The following SERPINB12 variants were observed in gnomAD, a reference collection of about 807,000 sequenced individuals.
SERPINB12 encodes the protein serpin family B member 12.
In SERPINB12, 57 loss-of-function variants were observed where a neutral mutation model predicts 41.1. The ratio of observed to expected loss-of-function variants is 1.39; its 90% CI spans 1.12 to 1.73. The LOEUF is 1.73. SERPINB12 is among the 40% of genes most tolerant of loss of function. The probability of loss-of-function intolerance (pLI) is 0.00; values close to 1 mark genes in which losing one functional copy is unlikely to be tolerated. For synonymous variants in SERPINB12, 180 were observed against 181.3 expected (o/e 0.99, Z 0.06); for missense variants, 536 against 501.9 (o/e 1.07, Z -0.65).
the SERPINB12 span, among the ~76,000 whole-genome samples, chr18:63,529,051 G>A: frequency 1.3e-5 from 2 of 152,100 alleles, no homozygotes; most frequent in South Asian, 2.1e-4. Flanking sequence ...CATGTGAGGC[G>A]AGCTCACTCT....
chr18:63,541,210 A>C (rs1214902034), upstream of SERPINB12, among the ~76,000 whole-genome samples: 1 of 152,062 alleles, frequency 6.6e-6, no homozygotes, highest in Admixed American at 6.6e-5. Flanking sequence ...GTTGCATGCC[A>C]CTCGTTCCCT....
the SERPINB12 span, among the ~76,000 whole-genome samples, chr18:63,529,920 A>G: frequency 6.6e-6 from 1 of 151,978 alleles, no homozygotes; most frequent in Non-Finnish European, 1.5e-5. Context: ...CTTTTTCAGA[A>G]ACTCCTTCCC....
the SERPINB12 span, among the ~76,000 whole-genome samples, chr18:63,529,320 C>T: frequency 1.1e-4 from 17 of 152,238 alleles, no homozygotes; most frequent in Non-Finnish European, 2.2e-4. Flanking sequence ...GTTGGTCAGG[C>T]GGTTGCTGGA....
intron 5 of SERPINB12, among the ~76,000 whole-genome samples, chr18:63,563,650 A>G (rs113742437): frequency 0.023 from 3,526 of 152,170 alleles, 151 homozygotes; most frequent in African/African-American, 0.081. Flanking sequence ...TAATCCCAGC[A>G]CTTTGGGAGG....
intron 1 of SERPINB12, among the ~76,000 whole-genome samples, chr18:63,545,213 A>ATT (rs570308273): frequency 7.1e-6 from 1 of 141,574 alleles, no homozygotes. Context: ...ACATAGAACT[A>ATT]TTTTTTTTTT....
the SERPINB12 span, among the ~76,000 whole-genome samples, chr18:63,535,390 C>T: frequency 1.6e-4 from 25 of 152,126 alleles, no homozygotes; most frequent in South Asian, 2.1e-4. Flanking sequence ...GGTGATGCCC[C>T]GAGATAGCTC....
At chr18:63,552,102 G>T (rs956644450) in intron 1 of SERPINB12, among the ~76,000 whole-genome samples, 1 of 152,132 alleles carries the variant, frequency 6.6e-6, no homozygotes, top group Non-Finnish European at 1.5e-5. Context: ...GGAGGGGAAA[G>T]AAAATAATCA....
At chr18:63,529,521 C>T in the SERPINB12 span, among the ~76,000 whole-genome samples, 2 of 152,154 alleles carry the variant, frequency 1.3e-5, no homozygotes, top group Admixed American at 1.3e-4. Flanking sequence ...ACAACTTGCA[C>T]AGATAAAAGC....
intron 1 of SERPINB12, among the ~76,000 whole-genome samples, chr18:63,554,003 G>T (rs574887140): frequency 1.3e-5 from 2 of 152,242 alleles, no homozygotes; most frequent in African/African-American, 4.8e-5. Context: ...GGTGATCTAT[G>T]ATTACCCTGA....
intron 7 of SERPINB12, 68 bp downstream of exon 7, chr18:63,565,680 C>T (rs1233239654): frequency 1.2e-5 from 17 of 1,363,334 alleles, no homozygotes; most frequent in Non-Finnish European, 1.7e-5. Flanking sequence ...ACACTGTCTA[C>T]TATCTACCAT....
intron 1 of SERPINB12, among the ~76,000 whole-genome samples, chr18:63,554,568 A>G (rs1910614432): frequency 6.6e-6 from 1 of 152,226 alleles, no homozygotes; most frequent in South Asian, 2.1e-4. Context: ...GAAATACACA[A>G]TATCTATAGG....
chr18:63,534,764 T>G, the SERPINB12 span, among the ~76,000 whole-genome samples: 1 of 152,188 alleles, frequency 6.6e-6, no homozygotes, highest in Non-Finnish European at 1.5e-5. Context: ...GGTGACACTT[T>G]GCAATAACAC....
intron 3 of SERPINB12, 51 bp from the exon 4 acceptor site, chr18:63,559,527 G>C (rs1231872130): frequency 6.3e-7 from 1 of 1,594,096 alleles, no homozygotes; most frequent in South Asian, 1.1e-5. Context: ...GCGGTGTTTA[G>C]CTCTTCTGAT....
At chr18:63,539,812 T>G (rs1841905282), upstream of SERPINB12, among the ~76,000 whole-genome samples, 1 of 152,140 alleles carries the variant, frequency 6.6e-6, no homozygotes, top group South Asian at 2.1e-4. Flanking sequence ...TGTTGTTTCT[T>G]TTAGATTCCA....
At chr18:63,559,031 T>TTTCTTTCTTTCTTTC (rs1359107408) in intron 3 of SERPINB12, among the ~76,000 whole-genome samples, 1 of 70,682 alleles carries the variant, frequency 1.4e-5, no homozygotes, top group Non-Finnish European at 3.6e-5. Context: ...TCTTTCTTTC[T>TTTCTTTCTTTCTTTC]TTCTTTCTTT....
the SERPINB12 span, among the ~76,000 whole-genome samples, chr18:63,533,160 T>G: frequency 6.6e-6 from 1 of 152,146 alleles, no homozygotes; most frequent in Non-Finnish European, 1.5e-5. Flanking sequence ...GTATTTTTAG[T>G]AGAGACGGGG....
At chr18:63,565,419 G>T in intron 6 of SERPINB12, 26 bp from the exon 7 acceptor site, 3 of 1,602,228 alleles carry the variant, frequency 1.9e-6, no homozygotes, top group Non-Finnish European at 2.6e-6. Flanking sequence ...TAGCCGTCCT[G>T]TGACCTCCTA....
the SERPINB12 span, among the ~76,000 whole-genome samples, chr18:63,521,162 T>A: frequency 6.6e-6 from 1 of 152,204 alleles, no homozygotes; most frequent in African/African-American, 2.4e-5. Context: ...GCAGAGTCTT[T>A]TGTGATACTT....
the SERPINB12 span, among the ~76,000 whole-genome samples, chr18:63,526,795 T>C: frequency 6.6e-6 from 1 of 152,232 alleles, no homozygotes; most frequent in Non-Finnish European, 1.5e-5. Context: ...ATGATGAGGA[T>C]ACATTCTGAC....
Sources: allele counts gnomAD v4.1 joint callset (sites outside exome capture counted in the v4.1 genomes callset), GRCh38; gene constraint gnomAD v4.1.1; transcripts MANE v1.5; gene names NCBI Gene and HGNC (gene_info 2026-07-23, HGNC 2026-07-21).